The following MCC variants were observed in gnomAD, a reference collection of about 807,000 sequenced individuals.
MCC encodes colorectal mutant cancer protein.
In MCC, 90 loss-of-function variants were observed where a neutral mutation model predicts 116.2. The ratio of observed to expected loss-of-function variants is 0.77; its 90% CI spans 0.65 to 0.92. The LOEUF (loss-of-function observed/expected upper bound fraction) is 0.92. Ranked by LOEUF, MCC falls within the 40% of genes least tolerant of loss-of-function variation. The probability of loss-of-function intolerance (pLI) is 0.00; values close to 1 mark genes in which losing one functional copy is unlikely to be tolerated. For synonymous variants in MCC, 578 were observed against 510.5 expected (o/e 1.13, Z -1.78); for missense variants, 1,516 against 1,312.2 (o/e 1.16, Z -2.40).
chr5:113,099,910 C>T (rs1038582993), intron 8 of MCC, among the ~76,000 whole-genome samples: 2 of 152,236 alleles, frequency 1.3e-5, no homozygotes, highest in Non-Finnish European at 2.9e-5. Context: ...AGAATGCACA[C>T]ACTAAGAGCA....
At chr5:113,351,354 A>G (rs1263647021) in intron 2 of MCC, among the ~76,000 whole-genome samples, 6 of 152,168 alleles carry the variant, frequency 3.9e-5, no homozygotes, top group Non-Finnish European at 8.8e-5. Context: ...TTTTTTATTC[A>G]GCCATAAAAA....
chr5:113,294,309 C>G (rs749426392), intron 3 of MCC: 11 of 1,613,358 alleles, frequency 6.8e-6, no homozygotes, highest in African/African-American at 5.3e-5. Context: ...CCCTAGCTCC[C>G]GACCTCAGCT....
chr5:113,061,723 G>A (rs898769595), intron 14 of MCC, among the ~76,000 whole-genome samples: 27 of 152,282 alleles, frequency 1.8e-4, no homozygotes, highest in Admixed American at 1.6e-3. Flanking sequence ...AATACTCAGC[G>A]TTTCTTTCCT....
intron 1 of MCC, among the ~76,000 whole-genome samples, chr5:113,431,273 C>A (rs1418698712): frequency 6.6e-6 from 1 of 152,098 alleles, no homozygotes; most frequent in African/African-American, 2.4e-5. Context: ...GCTGCTATGA[C>A]AAAGTACCAC....
intron 3 of MCC, among the ~76,000 whole-genome samples, chr5:113,260,524 C>A (rs901862152): frequency 5.3e-5 from 8 of 152,118 alleles, no homozygotes; most frequent in Non-Finnish European, 8.8e-5. Flanking sequence ...TTTGAGATAG[C>A]TGTGGGTATT....
chr5:113,126,940 C>T (rs762249872), intron 5 of MCC, among the ~76,000 whole-genome samples: 1 of 152,148 alleles, frequency 6.6e-6, no homozygotes, highest in Non-Finnish European at 1.5e-5. Context: ...AAACTCGTGT[C>T]TTGGGGGGTT....
At chr5:113,050,620 C>G (rs1206376001) in intron 15 of MCC, among the ~76,000 whole-genome samples, 4 of 152,216 alleles carry the variant, frequency 2.6e-5, no homozygotes, top group Admixed American at 6.5e-5. Flanking sequence ...ACGCCCAGAG[C>G]CTTCGGATCT....
intron 6 of MCC, among the ~76,000 whole-genome samples, chr5:113,114,876 G>A (rs1314976474): frequency 3.3e-5 from 5 of 151,958 alleles, no homozygotes; most frequent in East Asian, 1.9e-4. Context: ...TTCTTCATAC[G>A]ACCTGATTTT....
intron 1 of MCC, among the ~76,000 whole-genome samples, chr5:113,421,838 T>C (rs114923268): frequency 0.012 from 1,842 of 152,344 alleles, 47 homozygotes; most frequent in African/African-American, 0.041. Flanking sequence ...TCTGGAGTCC[T>C]TGAAATAGTC....
At chr5:113,094,953 G>T (rs1303533669) in intron 8 of MCC, among the ~76,000 whole-genome samples, 1 of 152,130 alleles carries the variant, frequency 6.6e-6, no homozygotes, top group Non-Finnish European at 1.5e-5. Context: ...AAAGAACCAG[G>T]GTTCTGGGGA....
chr5:113,073,050 C>G (rs1754149052), intron 11 of MCC, among the ~76,000 whole-genome samples: 1 of 151,618 alleles, frequency 6.6e-6, no homozygotes, highest in African/African-American at 2.4e-5. Context: ...AATTTGTAAA[C>G]TTTCTTGAAA....
intron 3 of MCC, among the ~76,000 whole-genome samples, chr5:113,197,353 G>C (rs940776198): frequency 6.6e-6 from 1 of 152,140 alleles, no homozygotes; most frequent in African/African-American, 2.4e-5. Context: ...AGGTAGCGGG[G>C]AAAGAAGTGA....
At chr5:113,412,107 C>T (rs2150403185) in intron 1 of MCC, among the ~76,000 whole-genome samples, 1 of 152,258 alleles carries the variant, frequency 6.6e-6, no homozygotes, top group East Asian at 1.9e-4. Context: ...TTTCTGAGGC[C>T]TCTGGTCTGT....
At chr5:113,065,756 A>G (rs781174568) in intron 13 of MCC, among the ~76,000 whole-genome samples, 5 of 152,254 alleles carry the variant, frequency 3.3e-5, no homozygotes, top group Non-Finnish European at 7.3e-5. Flanking sequence ...GTCACAAATG[A>G]GTTCCTGCTT....
chr5:113,240,180 C>T (rs895081183), intron 3 of MCC, among the ~76,000 whole-genome samples: 1 of 152,172 alleles, frequency 6.6e-6, no homozygotes, highest in African/African-American at 2.4e-5. Flanking sequence ...TAGGGAAGGA[C>T]AGTCAGGATA....
At chr5:113,217,618 T>C (rs1469279294) in intron 3 of MCC, among the ~76,000 whole-genome samples, 1 of 152,160 alleles carries the variant, frequency 6.6e-6, no homozygotes, top group Non-Finnish European at 1.5e-5. Flanking sequence ...TGAAAATTTT[T>C]GGAGGAGCTG....
intron 3 of MCC, among the ~76,000 whole-genome samples, chr5:113,177,023 CAAT>C (rs917778348): frequency 2.0e-5 from 3 of 152,144 alleles, no homozygotes; most frequent in African/African-American, 7.2e-5. Flanking sequence ...GAAATATAAA[CAAT>C]AACAACTCTT....
intron 5 of MCC, among the ~76,000 whole-genome samples, chr5:113,133,730 T>C (rs1422244755): frequency 6.6e-6 from 1 of 152,214 alleles, no homozygotes; most frequent in Non-Finnish European, 1.5e-5. Context: ...TGTAGTAATT[T>C]ACATTTCTGC....
At chr5:113,345,422 A>T (rs1002674342) in intron 2 of MCC, among the ~76,000 whole-genome samples, 2 of 152,220 alleles carry the variant, frequency 1.3e-5, no homozygotes, top group Non-Finnish European at 2.9e-5. Context: ...GAACATAGGC[A>T]GTAGCCACAT....
Sources: allele counts gnomAD v4.1 joint callset (sites outside exome capture counted in the v4.1 genomes callset), GRCh38; gene constraint gnomAD v4.1.1; transcripts MANE v1.5; gene names NCBI Gene and HGNC (gene_info 2026-07-23, HGNC 2026-07-21).